The following SLC17A2 variants were observed in gnomAD, a reference collection of about 807,000 sequenced individuals.
The protein encoded by SLC17A2 is sodium-dependent phosphate transport protein 3.
Under a neutral mutation model 52.1 loss-of-function variants are expected in SLC17A2, and 38 were observed. The ratio of observed to expected loss-of-function variants is 0.73; its 90% CI spans 0.56 to 0.96. SLC17A2 has a LOEUF of 0.96. Ranked by LOEUF, SLC17A2 falls within the 40% of genes least tolerant of loss-of-function variation. SLC17A2 has a pLI of 0.00. For missense variants in SLC17A2, 508 were observed against 583.9 expected, an observed-to-expected ratio of 0.87 and a Z score of 1.34; for synonymous variants, 226 against 211.9, an observed-to-expected ratio of 1.07 and a Z score of -0.58.
At chr6:25,925,688 G>A in intron 2 of SLC17A2, 81 bp downstream of exon 2, 1 of 1,256,078 alleles carries the variant, frequency 8.0e-7, no homozygotes, top group Non-Finnish European at 1.2e-6. Context: ...CGAAGGGTCA[G>A]TGTGATGCAG....
chr6:25,927,950 T>C (rs1766821908), intron 1 of SLC17A2, among the ~76,000 whole-genome samples: 1 of 152,206 alleles, frequency 6.6e-6, no homozygotes, highest in Non-Finnish European at 1.5e-5. Context: ...TTGATTTCAC[T>C]TTTTATGCAA....
In SLC17A2 at chr6:25,921,134, T is replaced by G. The variant is rs187393633; in HGVS notation, c.475-41A>C. Reference sequence around the variant, plus strand: ...TTAAGACCTTTGATATTTTGTAGAATTCAGAAATCTGGATCCCACCAAGAA... The same window carrying G: ...TTAAGACCTTTGATATTTTGTAGAAGTCAGAAATCTGGATCCCACCAAGAA... On this transcript the variant is annotated intron_variant, in intron 4 of 11. Transcript: ENST00000377850. 1.5e-4 allele frequency: 250 copies of G among 1,613,652 alleles called. 2 individuals are homozygous for G. In the African/African-American group the frequency reaches 3.0e-3, roughly 19 times the overall value.
At chr6:25,920,173 A>G (rs1320628166) in intron 5 of SLC17A2, among the ~76,000 whole-genome samples, 2 of 152,210 alleles carry the variant, frequency 1.3e-5, no homozygotes, top group African/African-American at 4.8e-5. Context: ...GGAAGCAAGA[A>G]CGCAGGAGGG....
intron 5 of SLC17A2, 105 bp from the exon 6 acceptor site, chr6:25,918,678 T>C: frequency 2.8e-6 from 2 of 709,434 alleles, no homozygotes; most frequent in Non-Finnish European, 5.1e-6. Context: ...TTAGAATTAT[T>C]GGGCAATGAG....
chr6:25,926,929 G>T lies in SLC17A2; in HGVS notation c.-83-1050C>A, dbSNP rs143811062. Among the ~76,000 whole-genome samples, 270 of 152,260 alleles carry T rather than the reference G, an allele frequency of 1.8e-3. 2 individuals are homozygous for T. Among genetic ancestry groups the T allele is most frequent in the African/African-American group, 6.3e-3 (263 of 41,546 alleles). ...TAAAAATACAAAAACAGCCGGGTGT[G>T]GTGGCACATGCCTGTAGACCCTGCT... On this transcript the variant is annotated intron_variant, in intron 1 of 11. Transcript: ENST00000377850.
intron 2 of SLC17A2, 97 bp from the exon 3 acceptor site, chr6:25,924,003 A>G (rs1766661117): frequency 3.2e-6 from 3 of 936,034 alleles, no homozygotes; most frequent in Non-Finnish European, 4.9e-6. Flanking sequence ...TTTGGATGAC[A>G]CATGAAGTCT....
intron 6 of SLC17A2, among the ~76,000 whole-genome samples, chr6:25,917,354 T>C (rs1233652934): frequency 1.3e-5 from 2 of 152,254 alleles, no homozygotes; most frequent in African/African-American, 4.8e-5. Context: ...CATAGCTGAT[T>C]AATTACTTTA....
Position 25,923,790 on chromosome 6 carries a change from T to C in SLC17A2, c.145A>G (p.Thr49Ala). The part of the protein sequence containing the change: ...SIAIIAMVNT[T>A]QQQGLSNAST... ...GCATTAGATAGACCTTGCTGCTGAG[T>C]GGTGTTCACCATGGCGATGATCGCA... is the stretch of plus-strand genomic sequence containing the variant. The change falls in exon 3 of 12, where the codon ACT (threonine) becomes GCT (alanine). Residue 49 changes from threonine to alanine, a missense_variant. By Grantham distance (58) the Thr-to-Ala change is moderately conservative. Transcript: ENST00000377850. 6.2e-7 allele frequency: 1 copy of C among 1,614,134 alleles called. No individual in the cohort carries two copies. The highest frequency in any genetic ancestry group is 8.5e-7 in the Non-Finnish European group (1 of 1,180,022).
intron 7 of SLC17A2, 51 bp downstream of exon 7, chr6:25,916,918 C>G (rs1380540673): frequency 1.2e-6 from 2 of 1,607,320 alleles, no homozygotes; most frequent in Admixed American, 1.7e-5. Context: ...AGATCCACAC[C>G]CTGCCCTAGA....
chr6:25,925,459 G>A (rs1239471339), intron 2 of SLC17A2, among the ~76,000 whole-genome samples: 2 of 148,630 alleles, frequency 1.3e-5, no homozygotes, highest in African/African-American at 5.0e-5. Flanking sequence ...GTTGCAGTGA[G>A]CCGAGATCGC....
intron 8 of SLC17A2, 67 bp from the exon 9 acceptor site, chr6:25,915,935 C>A: frequency 1.3e-6 from 2 of 1,489,452 alleles, no homozygotes; most frequent in East Asian, 2.3e-5. Flanking sequence ...GTCAGTTACA[C>A]AGACCAGCCA....
chr6:25,916,640 T>G, intron 8 of SLC17A2, 45 bp downstream of exon 8: 1 of 1,505,534 alleles, frequency 6.6e-7, no homozygotes, highest in Non-Finnish European at 9.2e-7. Context: ...CTGTTTCTCC[T>G]TATTACCATT....
chr6:25,917,742 T>G (rs761391890), intron 6 of SLC17A2, among the ~76,000 whole-genome samples: 24 of 152,252 alleles, frequency 1.6e-4, no homozygotes, highest in Admixed American at 7.8e-4. Context: ...AATTCCTTAT[T>G]TGAAGAACAT....
At chr6:25,920,907 A>G (rs1212687904) in intron 5 of SLC17A2, 99 bp downstream of exon 5, 2 of 1,111,354 alleles carry the variant, frequency 1.8e-6, no homozygotes, top group African/African-American at 3.1e-5. Context: ...TTTCAGCAGT[A>G]CTTTTTCTCT....
chr6:25,923,599 G>A, intron 3 of SLC17A2, 96 bp downstream of exon 3: 1 of 895,394 alleles, frequency 1.1e-6, no homozygotes, highest in Non-Finnish European at 1.8e-6. Flanking sequence ...TTTGTCATTG[G>A]AAATGTATAC....
At chr6:25,926,286 C>T (rs1041340871) in intron 1 of SLC17A2, among the ~76,000 whole-genome samples, 2 of 152,124 alleles carry the variant, frequency 1.3e-5, no homozygotes, top group African/African-American at 4.8e-5. Flanking sequence ...GAGGAAGGTT[C>T]CAGAGCGGTC....
chr6:25,922,993 C>G (rs1456570092), intron 3 of SLC17A2, among the ~76,000 whole-genome samples: 1 of 151,980 alleles, frequency 6.6e-6, no homozygotes, highest in African/African-American at 2.4e-5. Flanking sequence ...GTCAGGAGTT[C>G]GAGACCAGCC....
Position 25,921,306 on chromosome 6 carries a change from A to G in SLC17A2, c.347T>C (p.Phe116Ser), listed in dbSNP as rs368965674. ...AGCACCAAGCATTTTTTTTGCTCCA[A>G]ATATCCCTGCTAAATATCCACTTGG... is the stretch of plus-strand genomic sequence containing the variant. Reference protein sequence around the residue: ...LIPSGYLAGIFGAKKMLGAGL... With the variant: ...LIPSGYLAGISGAKKMLGAGL... Residue 116 changes from phenylalanine to serine, a missense_variant, in exon 4 of 12, where the codon TTT (phenylalanine) becomes TCT (serine). Transcript: ENST00000377850. 2.5e-6 allele frequency: 4 copies of G among 1,614,116 alleles called. No homozygotes were observed. The highest frequency in any genetic ancestry group is 3.4e-6 in the Non-Finnish European group (4 of 1,180,008).
intron 3 of SLC17A2, among the ~76,000 whole-genome samples, chr6:25,923,079 T>C (rs879594555): frequency 1.5e-4 from 23 of 151,978 alleles, no homozygotes; most frequent in Admixed American, 2.0e-4. Context: ...CCCAGCTACT[T>C]GGGAGGCCGA....
Sources: allele counts gnomAD v4.1 joint callset (sites outside exome capture counted in the v4.1 genomes callset), GRCh38; gene constraint gnomAD v4.1.1; transcripts MANE v1.5; gene names NCBI Gene and HGNC (gene_info 2026-07-23, HGNC 2026-07-21).